Variants in CCDC170 observed in about 807,000 individuals in gnomAD.
The protein encoded by CCDC170 is coiled-coil domain containing 170, also known as coiled-coil domain-containing protein 170.
Under a neutral mutation model 72.6 loss-of-function variants are expected in CCDC170, and 69 were observed. The ratio of observed to expected loss-of-function variants is 0.95; its 90% CI spans 0.78 to 1.16. The LOEUF is 1.16. Ranked by LOEUF, CCDC170 falls within the 50% of genes most tolerant of loss-of-function variation. The pLI is 0.00. For missense variants in CCDC170, 852 were observed against 832.5 expected (o/e 1.02, Z -0.29); for synonymous variants, 300 against 303.9 (o/e 0.99, Z 0.13).
At chr6:151,549,675 C>T (rs956196177) in intron 5 of CCDC170, among the ~76,000 whole-genome samples, 6 of 152,148 alleles carry the variant, frequency 3.9e-5, no homozygotes, top group African/African-American at 1.4e-4. Flanking sequence ...GATCCTCCCA[C>T]TTGGGACTTC....
chr6:151,598,419 A>G (rs1776656157), intron 9 of CCDC170, among the ~76,000 whole-genome samples: 1 of 152,104 alleles, frequency 6.6e-6, no homozygotes, highest in African/African-American at 2.4e-5. Flanking sequence ...TCATTACAGG[A>G]GCAGATGGGG....
At chr6:151,540,691 T>A (rs907925186) in intron 3 of CCDC170, among the ~76,000 whole-genome samples, 1 of 151,914 alleles carries the variant, frequency 6.6e-6, no homozygotes, top group Non-Finnish European at 1.5e-5. Context: ...CCAGCCAGTG[T>A]CCCTTCTTAT....
intron 6 of CCDC170, among the ~76,000 whole-genome samples, chr6:151,580,364 C>G (rs1776363969): frequency 6.6e-6 from 1 of 152,122 alleles, no homozygotes; most frequent in African/African-American, 2.4e-5. Context: ...CCTAATAATG[C>G]AAATCAGTCC....
Position 151,540,006 on chromosome 6 carries a change from CA to C in CCDC170, c.443+1706del, listed in dbSNP as rs570027867. ...AGTTTTCCATTATCACCTTTATTGT[CA>C]CTAACTTGGTCCAAGCCACCATTAA... On this transcript the variant is annotated intron_variant, in intron 3 of 10. Coordinates refer to ENST00000239374, the MANE Select transcript of CCDC170 (RefSeq NM_025059.4). Among the ~76,000 whole-genome samples, 330 of 152,148 alleles carry C rather than the reference CA, an allele frequency of 2.2e-3. 1 individual carries two copies. The highest frequency in any genetic ancestry group is 4.3e-3 in the Non-Finnish European group (293 of 68,040).
chr6:151,614,680 G>C (rs1203365410), intron 9 of CCDC170, among the ~76,000 whole-genome samples: 10 of 151,212 alleles, frequency 6.6e-5, no homozygotes, highest in Admixed American at 6.6e-4. Flanking sequence ...ATGTTGGCCA[G>C]GCTGATCTCG....
rs1782113733 is a variant in CCDC170 at position 151,509,305 on chromosome 6, G to A, written c.57+15120G>A. Among the ~76,000 whole-genome samples, 3 of 151,442 alleles carry A rather than the reference G, an allele frequency of 2.0e-5. No homozygotes were observed. The South Asian group carries it at 6.3e-4, about 32-fold the overall frequency. Reference sequence around the variant, plus strand: ...AAGTGTCTCATCTCGTTGTCAACAGGGACTTCTCATTCCACCATTCCTTTC... The same window carrying A: ...AAGTGTCTCATCTCGTTGTCAACAGAGACTTCTCATTCCACCATTCCTTTC... On this transcript the variant is annotated intron_variant, in intron 1 of 10. Coordinates refer to ENST00000239374, the MANE Select transcript of CCDC170 (RefSeq NM_025059.4).
At chr6:151,574,739 A>G (rs1583033285) in intron 6 of CCDC170, among the ~76,000 whole-genome samples, 1 of 152,162 alleles carries the variant, frequency 6.6e-6, no homozygotes, top group East Asian at 1.9e-4. Context: ...AAAAACCTGG[A>G]TTTTGGAATT....
At chr6:151,616,759 G>A (rs1776974315) in intron 10 of CCDC170, among the ~76,000 whole-genome samples, 1 of 152,134 alleles carries the variant, frequency 6.6e-6, no homozygotes, top group African/African-American at 2.4e-5. Context: ...AAAGTGTCTG[G>A]TGAGCACAGC....
chr6:151,579,972 A>T (rs1776358226), intron 6 of CCDC170, among the ~76,000 whole-genome samples: 1 of 152,222 alleles, frequency 6.6e-6, no homozygotes, highest in Non-Finnish European at 1.5e-5. Context: ...AATTGAAACC[A>T]GGGCTATCTG....
chr6:151,592,926 G>A (rs557665701), intron 7 of CCDC170, 181 bp from the exon 8 acceptor site: 71 of 625,340 alleles, frequency 1.1e-4, no homozygotes, highest in Non-Finnish European at 1.9e-4. Flanking sequence ...GGGGTAGGCA[G>A]GGAACTGGCA....
rs1395920181 is a variant in CCDC170 at position 151,596,514 on chromosome 6, G to A, written c.1647G>A (p.Leu549=). ...AGGTGGAGAGGCTGCAGAAAGAGCT[G>A]AACACGTGTCGAGACTTGCACACCG... ...QKKVERLQKE[L]NTCRDLHTEL... Residue 549 remains leucine, a synonymous_variant, in exon 9 of 11, where the codon CTG becomes CTA. Coordinates refer to ENST00000239374, the MANE Select transcript of CCDC170 (RefSeq NM_025059.4). 6.2e-7 allele frequency: 1 copy of A among 1,614,126 alleles called. No individual in the cohort carries two copies.
At chr6:151,503,814 C>T (rs1000979411) in intron 1 of CCDC170, among the ~76,000 whole-genome samples, 2 of 152,078 alleles carry the variant, frequency 1.3e-5, no homozygotes, top group South Asian at 4.1e-4. Context: ...CTAATGTTTT[C>T]TCATGATTAG....
chr6:151,550,707 A>G (rs1403492215), intron 5 of CCDC170, among the ~76,000 whole-genome samples: 1 of 152,182 alleles, frequency 6.6e-6, no homozygotes, highest in Non-Finnish European at 1.5e-5. Context: ...ATCAGAACCA[A>G]CATGGTCAGG....
At chr6:151,603,675 A>T (rs1776743566) in intron 9 of CCDC170, among the ~76,000 whole-genome samples, 2 of 152,168 alleles carry the variant, frequency 1.3e-5, no homozygotes, top group African/African-American at 4.8e-5. Context: ...TTCTCACTGG[A>T]AAGAAGCACC....
chr6:151,573,346 T>A lies in CCDC170; in HGVS notation c.947T>A (p.Val316Asp). The A allele has an allele frequency of 6.2e-7, 1 of 1,614,112 alleles. No individual in the cohort carries two copies. Residue 316 changes from valine to aspartate, a missense_variant, in exon 6 of 11, where the codon GTC (valine) becomes GAC (aspartate). Physicochemically the swap from Val to Asp is radical, Grantham distance 152. Coordinates refer to ENST00000239374, the MANE Select transcript of CCDC170 (RefSeq NM_025059.4). ...EKSLKASQDAVTTSQSQYFSF... is the reference protein window; with the variant it reads ...EKSLKASQDADTTSQSQYFSF... ...AGTTTGAAGGCCAGTCAGGATGCAGTCACAACCTCACAAAGCCAGTACTTC... is the reference window on the plus strand; with the variant it reads ...AGTTTGAAGGCCAGTCAGGATGCAGACACAACCTCACAAAGCCAGTACTTC...
chr6:151,590,012 A>G (rs975630558), intron 7 of CCDC170, among the ~76,000 whole-genome samples: 1 of 152,004 alleles, frequency 6.6e-6, no homozygotes, highest in Admixed American at 6.6e-5. Flanking sequence ...TACATTGCCC[A>G]CTGCTATTTT....
chr6:151,560,502 T>C (rs2115072540), intron 5 of CCDC170, among the ~76,000 whole-genome samples: 1 of 152,296 alleles, frequency 6.6e-6, no homozygotes, highest in African/African-American at 2.4e-5. Flanking sequence ...CCGGTTTAAG[T>C]CCAGACCTTC....
At position 151,593,168 on chromosome 6, in the gene CCDC170, T is replaced by C; in HGVS notation, c.1355T>C (p.Leu452Pro). ...AAGTTGGACCAGATGGCTGCCGAAC[T>C]TGGCTTTGACATGCGGCTGGACGTG... ...KMKLDQMAAE[L>P]GFDMRLDVVL... is the part of the protein sequence containing the mutation. Residue 452 changes from leucine (L) to proline (P), a missense_variant, in exon 8 of 11, where the codon CTT (leucine) becomes CCT (proline). Leu to Pro is a moderately conservative substitution (Grantham distance 98). Transcript: ENST00000239374. The C allele has an allele frequency of 1.9e-6, 3 of 1,614,192 alleles. No homozygotes were observed. The highest frequency in any genetic ancestry group is 1.3e-5 in the African/African-American group (1 of 75,050).
chr6:151,503,201 G>A (rs890786798), intron 1 of CCDC170, among the ~76,000 whole-genome samples: 2 of 151,968 alleles, frequency 1.3e-5, no homozygotes, highest in Non-Finnish European at 2.9e-5. Flanking sequence ...ATCCTGGTGT[G>A]AGAAATAGAT....
Sources: gnomAD v4.1 joint callset for allele counts (sites outside exome capture counted in the v4.1 genomes callset) on GRCh38, gnomAD v4.1.1 for gene constraint, MANE v1.5 for transcripts, NCBI Gene and HGNC (gene_info 2026-07-23, HGNC 2026-07-21) for gene names.